The following UBR4 variants were observed in gnomAD, a reference collection of about 807,000 sequenced individuals.
UBR4 encodes the protein E3 ubiquitin-protein ligase UBR4.
Under a neutral mutation model 575.6 loss-of-function variants are expected in UBR4, and 124 were observed. That is an observed-to-expected ratio of 0.22 (90% CI 0.19 to 0.25). The LOEUF is 0.25. UBR4 is among the 10% of genes least tolerant of loss of function. UBR4 has a pLI of 1.00. For synonymous variants in UBR4, 2,455 were observed against 2,473.7 expected, an observed-to-expected ratio of 0.99 and a Z score of 0.22; for missense variants, 4,818 against 6,478.8, an observed-to-expected ratio of 0.74 and a Z score of 8.80.
chr1:19,142,736 T>C (rs1281848125), intron 55 of UBR4, among the ~76,000 whole-genome samples: 4 of 152,212 alleles, frequency 2.6e-5, no homozygotes, highest in African/African-American at 9.6e-5. Context: ...ATTTTTTATA[T>C]TGACAAGATG....
chr1:19,129,116 C>T (rs369566539), intron 60 of UBR4, 42 bp from the exon 61 acceptor site: 26 of 1,530,052 alleles, frequency 1.7e-5, no homozygotes, highest in Middle Eastern at 3.5e-4. Context: ...AGCTGTACTC[C>T]AACAGGACAC....
Position 19,152,370 on chromosome 1 carries a change from A to G in UBR4, c.6939T>C (p.Asn2313=), listed in dbSNP as rs375037521. The change falls in exon 47 of 106, where the codon AAT becomes AAC. Residue 2313 remains asparagine, a synonymous_variant. Transcript: ENST00000375254. This position sits in a 1 kb window ranked among gnomAD's most constrained non-coding sequence, Gnocchi z 4.4. The part of the protein sequence containing the change: ...FGGNDLLQVY[N]AQQIKHRLNS... ...TCAGCCGGTGTTTTATCTGTTGTGC[A>G]TTATAGACCTGTAGGAGGTCGTTAC... The G allele has an allele frequency of 1.2e-6, 2 of 1,613,836 alleles. No homozygotes were observed. The highest frequency in any genetic ancestry group is 2.2e-5 in the East Asian group (1 of 44,898).
In UBR4 at chr1:19,100,164, C is replaced by T. The variant is rs1046468960; in HGVS notation, c.13221+212G>A. On this transcript the variant is annotated intron_variant, in intron 89 of 105. Transcript: ENST00000375254. This position sits in a 1 kb window ranked among gnomAD's most constrained non-coding sequence, Gnocchi z 4.2. ...CCATTAACAATATGCTTACTTCCTG[C>T]CAGGCACTGGGCAGAGCCCTTTACA... 17 of 583,674 alleles carry T rather than the reference C, an allele frequency of 2.9e-5. No individual in the cohort carries two copies. Among genetic ancestry groups the T allele is most frequent in the Non-Finnish European group, 4.8e-5 (16 of 331,048 alleles). The allele number at this position is 583,674 out of a possible 1,614,324, so 36.2% of individuals were successfully genotyped here.
Position 19,133,746 on chromosome 1 carries a change from A to G in UBR4, c.8906+4261T>C, listed in dbSNP as rs1048016328. On this transcript the variant is annotated intron_variant, in intron 60 of 105. Coordinates refer to ENST00000375254, the MANE Select transcript of UBR4 (RefSeq NM_020765.3). ...GAGGATCACTTGAGGCCAGGAGTTC[A>G]AAACCAGCTTGGGCAATAGTGAGAT... is the stretch of plus-strand genomic sequence containing the variant. Among the ~76,000 whole-genome samples the G allele has an allele frequency of 2.0e-5, 3 of 151,824 alleles. No individual in the cohort carries two copies. In the East Asian group the frequency reaches 5.8e-4, roughly 29 times the overall value.
Position 19,129,079 on chromosome 1 carries a change from A to G in UBR4, c.8907-5T>C. ...ATTAGACGGACCATGTGCAGCCTAA[A>G]AGGGTGGGGAAAAGATAGAAAATAT... On this transcript the variant is annotated splice_polypyrimidine_tract_variant and splice_region_variant and intron_variant, in intron 60 of 105. Coordinates refer to ENST00000375254, the MANE Select transcript of UBR4 (RefSeq NM_020765.3). The G allele has an allele frequency of 1.2e-6, 2 of 1,613,462 alleles. No individual in the cohort carries two copies. The highest frequency in any genetic ancestry group is 1.6e-4 in the Middle Eastern group (1 of 6,062).
chr1:19,165,312 C>A lies in UBR4; in HGVS notation c.4249G>T (p.Glu1417Ter). The change falls in exon 31 of 106, where the codon GAG becomes TAG. Residue 1417 changes from glutamate to a stop codon, truncating the protein, a stop_gained. Transcript: ENST00000375254. LOFTEE classifies it high-confidence loss of function. ...LVQIMMATAN[E>*]NLSAKFCNRV... ...TTACAGAATTTAGCAGAGAGGTTCT[C>A]ATTGGCTGTTGCCATCATGATCTGT... 1 of 1,614,210 alleles carries A rather than the reference C, an allele frequency of 6.2e-7. No individual in the cohort carries two copies. Among genetic ancestry groups the A allele is most frequent in the Non-Finnish European group, 8.5e-7 (1 of 1,180,034 alleles).
chr1:19,099,962 C>T, intron 89 of UBR4: 1 of 461,210 alleles, frequency 2.2e-6, no homozygotes, highest in Admixed American at 3.9e-5. Flanking sequence ...AGGCTTTTCA[C>T]TATGTAAAAA....
intron 35 of UBR4, among the ~76,000 whole-genome samples, chr1:19,162,126 A>G (rs2087478156): frequency 1.3e-5 from 2 of 152,174 alleles, no homozygotes; most frequent in Non-Finnish European, 2.9e-5. Context: ...TGCTTTCTCT[A>G]TAGGGGAGCT....
intron 77 of UBR4, 91 bp from the exon 78 acceptor site, chr1:19,112,958 T>A: frequency 7.7e-7 from 1 of 1,294,920 alleles, no homozygotes; most frequent in South Asian, 1.5e-5. Context: ...TAGAAAAAAC[T>A]TTACATGCAT....
intron 64 of UBR4, 99 bp downstream of exon 64, chr1:19,126,347 C>T (rs1238258865): frequency 7.0e-7 from 1 of 1,432,088 alleles, no homozygotes; most frequent in Non-Finnish European, 9.7e-7. Flanking sequence ...CTTCCTATGG[C>T]TCTTCACCCT....
chr1:19,143,345 C>T (rs1387151239), intron 55 of UBR4, among the ~76,000 whole-genome samples: 1 of 151,904 alleles, frequency 6.6e-6, no homozygotes, highest in Non-Finnish European at 1.5e-5. Context: ...TAGTGACTTT[C>T]ATTTGAAATT....
intron 44 of UBR4, 91 bp from the exon 45 acceptor site, chr1:19,154,030 G>C: frequency 7.0e-6 from 10 of 1,426,898 alleles, no homozygotes; most frequent in Non-Finnish European, 9.6e-6. Context: ...AACTGGCTAC[G>C]TGACTCCAAA....
chr1:19,164,608 G>C (rs972895915), intron 32 of UBR4, among the ~76,000 whole-genome samples, 167 bp from the exon 33 acceptor site: 3 of 152,220 alleles, frequency 2.0e-5, no homozygotes, highest in African/African-American at 7.2e-5. Flanking sequence ...GTAACTGACA[G>C]GCCAAGTCAT....
In UBR4 at chr1:19,160,921, T is replaced by C. The variant is rs140420170; in HGVS notation, c.5402A>G (p.Asn1801Ser). The change falls in exon 38 of 106, where the codon AAC (asparagine) becomes AGC (serine). Residue 1801 changes from asparagine (N) to serine (S), a missense_variant. This residue lies in a region of UBR4 where 159 missense variants were observed against 174.6 expected (regional missense o/e 0.91). Coordinates refer to ENST00000375254, the MANE Select transcript of UBR4 (RefSeq NM_020765.3). ...GGGAGCATCAGTCAGCCCCACCTGG[T>C]TCTGTAATTCCTCCCGGCAGCCCTC... The part of the protein sequence containing the change: ...TVEGCREELQ[N>S]QANFSFAPLV... 1.2e-6 allele frequency: 2 copies of C among 1,613,974 alleles called. No homozygotes were observed. Among genetic ancestry groups the C allele is most frequent in the African/African-American group, 2.7e-5 (2 of 74,922 alleles).
intron 17 of UBR4, among the ~76,000 whole-genome samples, chr1:19,183,438 C>T (rs2091208525): frequency 6.6e-6 from 1 of 152,116 alleles, no homozygotes; most frequent in Admixed American, 6.5e-5. Flanking sequence ...ATTGGAGCTA[C>T]AGGCCGGGCG....
At position 19,088,333 on chromosome 1, in the gene UBR4, G is replaced by A. The variant is rs2148754704; in HGVS notation, c.14431-404C>T. On this transcript the variant is annotated intron_variant, in intron 98 of 105. Coordinates refer to ENST00000375254, the MANE Select transcript of UBR4 (RefSeq NM_020765.3). This position sits in a 1 kb window ranked among gnomAD's most constrained non-coding sequence, Gnocchi z 4.0. ...CTGTGCTTTGGAAAAGGAGCTTGTA[G>A]GACTCTGCTTCCTCCAAGGTGGGAC... 6.6e-6 allele frequency among the ~76,000 whole-genome samples: 1 copy of A among 152,320 alleles called. No homozygotes were observed. The highest frequency in any genetic ancestry group is 2.4e-5 in the African/African-American group (1 of 41,562).
intron 65 of UBR4, among the ~76,000 whole-genome samples, chr1:19,123,994 G>A (rs919986392): frequency 3.9e-5 from 6 of 152,188 alleles, no homozygotes; most frequent in Non-Finnish European, 8.8e-5. Flanking sequence ...GGAGGAAGAA[G>A]GGGCTTGCTT....
At chr1:19,141,292 C>T in intron 57 of UBR4, 55 bp downstream of exon 57, 1 of 1,611,958 alleles carries the variant, frequency 6.2e-7, no homozygotes. Flanking sequence ...ACTGCCAAAC[C>T]CTCTTTTCCT....
Position 19,089,736 on chromosome 1 carries a change from T to A in UBR4, c.14212-759A>T, listed in dbSNP as rs1298235995. Among the ~76,000 whole-genome samples, 5 of 152,236 alleles carry A rather than the reference T, an allele frequency of 3.3e-5. No individual in the cohort carries two copies. The highest frequency in any genetic ancestry group is 5.9e-5 in the Non-Finnish European group (4 of 68,040). The stretch of plus-strand genomic sequence containing the variant: ...GTGACTTGACAGCAATGATTACATA[T>A]GAGACAACAGGCTGAAAATAACACA... On this transcript the variant is annotated intron_variant, in intron 97 of 105. Coordinates refer to ENST00000375254, the MANE Select transcript of UBR4 (RefSeq NM_020765.3). The surrounding 1 kb of genome is among the most constrained non-coding windows in gnomAD (Gnocchi z 4.3).
Sources: gnomAD v4.1 joint callset for allele counts (sites outside exome capture counted in the v4.1 genomes callset) on GRCh38, gnomAD v4.1.1 for gene constraint, gnomAD v4.1.1 regional missense constraint, Gnocchi (gnomAD v3.1) non-coding constraint, MANE v1.5 for transcripts, NCBI Gene and HGNC (gene_info 2026-07-23, HGNC 2026-07-21) for gene names.